DPP6: variants seen among roughly 807,000 people sequenced by gnomAD.
DPP6 encodes the protein dipeptidyl peptidase like 6.
In DPP6, 69 loss-of-function variants were observed where a neutral mutation model predicts 122.6. That is an observed-to-expected ratio of 0.56 (90% CI 0.46 to 0.69). The LOEUF is 0.69. DPP6 is among the 30% of genes least tolerant of loss of function. The pLI, the probability that DPP6 is intolerant of heterozygous loss-of-function variation, is 0.00. For missense variants in DPP6, 928 were observed against 1,116.9 expected (o/e 0.83, Z 2.41); for synonymous variants, 418 against 433.1 (o/e 0.97, Z 0.43).
chr7:154,371,396 A>G (rs1430573183), intron 1 of DPP6, among the ~76,000 whole-genome samples: 3 of 141,284 alleles, frequency 2.1e-5, no homozygotes, highest in Middle Eastern at 3.3e-3. Flanking sequence ...AAAAAAAAAA[A>G]AAAAAAAAGA....
At chr7:154,366,932 G>A (rs1812239788) in intron 1 of DPP6, among the ~76,000 whole-genome samples, 1 of 152,184 alleles carries the variant, frequency 6.6e-6, no homozygotes, top group Non-Finnish European at 1.5e-5. Flanking sequence ...TTACAGGGAG[G>A]AGTTTGAGCA....
chr7:154,791,086 T>C (rs974739580), intron 10 of DPP6, among the ~76,000 whole-genome samples: 5 of 151,964 alleles, frequency 3.3e-5, no homozygotes, highest in Non-Finnish European at 7.4e-5. Flanking sequence ...ACCCCATCTC[T>C]ACTAAAAACA....
intron 8 of DPP6, among the ~76,000 whole-genome samples, chr7:154,747,549 G>A (rs144028042): frequency 5.4e-4 from 82 of 152,230 alleles, no homozygotes; most frequent in South Asian, 1.0e-3. Flanking sequence ...GTCATTGTGC[G>A]AATCGCCATA....
At chr7:154,298,885 G>C (rs1805716745) in intron 1 of DPP6, among the ~76,000 whole-genome samples, 1 of 152,220 alleles carries the variant, frequency 6.6e-6, no homozygotes. Context: ...GTTCAGCCTT[G>C]CTTGTTGGGC....
intron 1 of DPP6, among the ~76,000 whole-genome samples, chr7:154,083,465 C>T (rs1028311052): frequency 7.9e-5 from 12 of 150,952 alleles, no homozygotes; most frequent in Non-Finnish European, 1.5e-4. Context: ...TCCCTACCCA[C>T]CTCTGAGTCT....
chr7:154,223,318 A>G (rs1451938080), intron 1 of DPP6, among the ~76,000 whole-genome samples: 1 of 149,460 alleles, frequency 6.7e-6, no homozygotes, highest in Non-Finnish European at 1.5e-5. Flanking sequence ...ATCCATTAAC[A>G]CGTTTTGCAA....
chr7:154,082,745 T>C (rs1191142577), intron 1 of DPP6, among the ~76,000 whole-genome samples: 1 of 151,998 alleles, frequency 6.6e-6, no homozygotes, highest in Non-Finnish European at 1.5e-5. Flanking sequence ...TGCTGCCACC[T>C]AGAACTCCCT....
intron 6 of DPP6, among the ~76,000 whole-genome samples, chr7:154,665,706 A>G (rs1026739504): frequency 2.6e-5 from 4 of 152,220 alleles, no homozygotes; most frequent in Middle Eastern, 6.8e-3. Context: ...CGCAGGACAT[A>G]TTTGTATGTA....
intron 7 of DPP6, among the ~76,000 whole-genome samples, chr7:154,716,667 A>G (rs1841501217): frequency 6.7e-6 from 1 of 149,848 alleles, no homozygotes; most frequent in African/African-American, 2.5e-5. Context: ...TTGGTTCCAG[A>G]CATAGAATTT....
chr7:154,776,949 A>G (rs770460697), intron 10 of DPP6, among the ~76,000 whole-genome samples: 1 of 152,206 alleles, frequency 6.6e-6, no homozygotes, highest in Non-Finnish European at 1.5e-5. Context: ...AACCAAGAGG[A>G]AGGGAGAAAG....
chr7:153,939,219 C>A (rs76145296), intron 1 of DPP6, among the ~76,000 whole-genome samples: 1 of 152,126 alleles, frequency 6.6e-6, no homozygotes, highest in Non-Finnish European at 1.5e-5. Flanking sequence ...AGTACAAATT[C>A]GTTATTATCA....
chr7:154,761,310 C>G (rs558063202), intron 8 of DPP6, among the ~76,000 whole-genome samples: 1 of 152,170 alleles, frequency 6.6e-6, no homozygotes, highest in African/African-American at 2.4e-5. Flanking sequence ...CCATGGCTGA[C>G]GCTGGCTGCT....
chr7:154,662,461 G>A (rs1441418752), intron 6 of DPP6, among the ~76,000 whole-genome samples: 1 of 88,176 alleles, frequency 1.1e-5, no homozygotes, highest in African/African-American at 3.8e-5. Context: ...TCACCATGGC[G>A]TATCAGCCGT....
At position 154,060,172 on chromosome 7, in the gene DPP6, G is replaced by C. The variant is rs868309913; in HGVS notation, c.243+7109G>C. On this transcript the variant is annotated intron_variant, in intron 1 of 25. Coordinates refer to ENST00000377770, the MANE Select transcript of DPP6 (RefSeq NM_130797.4). Reference sequence around the variant, plus strand: ...GCTCTTTGCACCCCCATCGCAGGGGGGGAGGCACCCCTCACGACACGGGGA... The same window carrying C: ...GCTCTTTGCACCCCCATCGCAGGGGCGGAGGCACCCCTCACGACACGGGGA... Among the ~76,000 whole-genome samples, 5 of 148,232 alleles carry C rather than the reference G, an allele frequency of 3.4e-5. No homozygotes were observed. In the East Asian group the frequency reaches 6.0e-4, roughly 18 times the overall value.
chr7:154,207,688 T>C (rs1799519457), intron 1 of DPP6, among the ~76,000 whole-genome samples: 1 of 152,258 alleles, frequency 6.6e-6, no homozygotes, highest in East Asian at 1.9e-4. Context: ...TAGAGCAATA[T>C]ACAGAGTATA....
chr7:154,572,780 A>G (rs901513325), intron 5 of DPP6, among the ~76,000 whole-genome samples: 2 of 151,666 alleles, frequency 1.3e-5, no homozygotes, highest in Admixed American at 6.6e-5. Context: ...CCCAGGTTCA[A>G]GTGATTCGCC....
intron 5 of DPP6, among the ~76,000 whole-genome samples, chr7:154,633,364 G>C (rs1227597698): frequency 2.6e-5 from 4 of 152,134 alleles, no homozygotes; most frequent in Non-Finnish European, 5.9e-5. Context: ...AGCCTCCGGA[G>C]TAGCTGCGAT....
At chr7:154,644,447 A>G (rs1836312463) in intron 6 of DPP6, among the ~76,000 whole-genome samples, 2 of 152,164 alleles carry the variant, frequency 1.3e-5, no homozygotes, top group African/African-American at 4.8e-5. Flanking sequence ...TCTCTCTACC[A>G]TGAGTGGTCT....
chr7:153,751,484 GCCT>G, the DPP6 span, among the ~76,000 whole-genome samples: 13 of 142,524 alleles, frequency 9.1e-5, no homozygotes, highest in Non-Finnish European at 1.7e-4. Context: ...CCTTGTTGCA[GCCT>G]CCTTTCTCCT....
Sources: gnomAD v4.1 joint callset for allele counts (sites outside exome capture counted in the v4.1 genomes callset) on GRCh38, gnomAD v4.1.1 for gene constraint, MANE v1.5 for transcripts, NCBI Gene and HGNC (gene_info 2026-07-23, HGNC 2026-07-21) for gene names.